GIGYF2: variants seen among roughly 807,000 people sequenced by gnomAD.
GIGYF2 encodes GRB10-interacting GYF protein 2.
A neutral mutation model predicts 208.1 loss-of-function variants in GIGYF2; 25 were observed. The observed-to-expected ratio is 0.12, with a 90% confidence interval of 0.09 to 0.17. The LOEUF (loss-of-function observed/expected upper bound fraction) is 0.17, where lower values mean the gene tolerates loss of function less well. GIGYF2 is among the 10% of genes least tolerant of loss of function. GIGYF2 has a pLI of 1.00. For missense variants in GIGYF2, 1,302 were observed against 1,579.4 expected, an observed-to-expected ratio of 0.82 and a Z score of 2.98; for synonymous variants, 534 against 543.8, an observed-to-expected ratio of 0.98 and a Z score of 0.25.
At position 232,704,480 on chromosome 2, in the gene GIGYF2, C is replaced by T. The variant is rs1695996474; in HGVS notation, c.-44+991C>T. Among the ~76,000 whole-genome samples, 2 of 152,068 alleles carry T rather than the reference C, an allele frequency of 1.3e-5. 1 individual carries two copies. Among genetic ancestry groups the T allele is most frequent in the Non-Finnish European group, 2.9e-5 (2 of 68,018 alleles). ...AGTGCAGTGGCATGATGTCAGCTCA[C>T]TGCAGCTTCTGTCTCCCAGGTTCAA... is the stretch of plus-strand genomic sequence containing the variant. On this transcript the variant is annotated intron_variant, in intron 2 of 28. Coordinates refer to ENST00000373563, the MANE Select transcript of GIGYF2 (RefSeq NM_001103146.3).
chr2:232,734,266 G>A (rs867186078), intron 2 of GIGYF2, among the ~76,000 whole-genome samples: 5 of 151,708 alleles, frequency 3.3e-5, no homozygotes, highest in African/African-American at 9.7e-5. Flanking sequence ...TCACTCCATC[G>A]TCTAGGCTGG....
intron 16 of GIGYF2, among the ~76,000 whole-genome samples, chr2:232,810,056 C>T (rs772841263): frequency 6.6e-6 from 1 of 152,160 alleles, no homozygotes; most frequent in East Asian, 1.9e-4. Flanking sequence ...GGCATGATCT[C>T]GGCTCACTGC....
At chr2:232,741,857 A>G (rs1235196942) in intron 3 of GIGYF2, among the ~76,000 whole-genome samples, 2 of 152,222 alleles carry the variant, frequency 1.3e-5, no homozygotes, top group African/African-American at 4.8e-5. Context: ...ATGTCCACTT[A>G]TATGACTTTA....
chr2:232,739,938 A>C (rs1177937982), intron 3 of GIGYF2, among the ~76,000 whole-genome samples: 1 of 16,310 alleles, frequency 6.1e-5, no homozygotes, highest in East Asian at 1.8e-3. Flanking sequence ...CATCTCTGCT[A>C]AAAAAAAAAA....
At chr2:232,805,258 G>C (rs1468289266) in intron 14 of GIGYF2, among the ~76,000 whole-genome samples, 1 of 152,070 alleles carries the variant, frequency 6.6e-6, no homozygotes. Context: ...GTTGAATTCT[G>C]TAATCTTGCA....
intron 2 of GIGYF2, among the ~76,000 whole-genome samples, chr2:232,726,207 A>G (rs529536274): frequency 6.6e-6 from 1 of 152,182 alleles, no homozygotes; most frequent in East Asian, 1.9e-4. Context: ...TGCCTCTACT[A>G]AAAATACAAA....
intron 2 of GIGYF2, among the ~76,000 whole-genome samples, chr2:232,720,969 T>C (rs1228167374): frequency 6.6e-6 from 1 of 152,016 alleles, no homozygotes; most frequent in Non-Finnish European, 1.5e-5. Context: ...ATCCCTAGAG[T>C]TGGAATAGCC....
At chr2:232,785,531 A>G (rs1699882833) in intron 8 of GIGYF2, among the ~76,000 whole-genome samples, 1 of 152,350 alleles carries the variant, frequency 6.6e-6, no homozygotes, top group Non-Finnish European at 1.5e-5. Flanking sequence ...GATGGAAACT[A>G]CAGTCTTCTT....
chr2:232,723,480 G>C (rs1225090769), intron 2 of GIGYF2, among the ~76,000 whole-genome samples: 1 of 148,396 alleles, frequency 6.7e-6, no homozygotes, highest in Admixed American at 6.7e-5. Context: ...ACCCAGGCTG[G>C]AGTGCAGTGG....
intron 2 of GIGYF2, chr2:232,734,414 TA>T (rs1243885856): frequency 1.3e-5 from 2 of 152,054 alleles, no homozygotes; most frequent in Admixed American, 6.6e-5. Context: ...TTCTTTTTTT[TA>T]GAGACCACGT....
intron 21 of GIGYF2, among the ~76,000 whole-genome samples, chr2:232,826,523 C>A (rs1261013586): frequency 6.6e-6 from 1 of 151,906 alleles, no homozygotes; most frequent in Non-Finnish European, 1.5e-5. Context: ...TGTACAAAAG[C>A]CAAAATAGAC....
intron 5 of GIGYF2, among the ~76,000 whole-genome samples, chr2:232,754,709 A>G (rs1698464996): frequency 6.6e-6 from 1 of 152,208 alleles, no homozygotes; most frequent in Non-Finnish European, 1.5e-5. Context: ...ACTCTGTGCT[A>G]AAAGGTAAGT....
chr2:232,790,679 G>A lies in GIGYF2; in HGVS notation c.713-19G>A, dbSNP rs765534189. On this transcript the variant is annotated intron_variant, in intron 9 of 28. Transcript: ENST00000373563. ...GTCATAAAACTTTTCTAAGGTTTGT[G>A]TCCTCCTTCTCATCTCAGATGGCCC... The A allele has an allele frequency of 3.1e-6, 5 of 1,590,466 alleles. No homozygotes were observed. In the South Asian group the frequency reaches 3.3e-5, roughly 11 times the overall value.
At chr2:232,747,791 A>T in intron 4 of GIGYF2, 47 bp downstream of exon 4, 1 of 1,550,920 alleles carries the variant, frequency 6.4e-7, no homozygotes, top group Non-Finnish European at 8.9e-7. Context: ...AGACTTTGGG[A>T]TATATACCAT....
At chr2:232,701,005 T>C (rs1317942207) in intron 1 of GIGYF2, among the ~76,000 whole-genome samples, 1 of 152,174 alleles carries the variant, frequency 6.6e-6, no homozygotes, top group East Asian at 1.9e-4. Flanking sequence ...GTTTTTACAT[T>C]TTATTCATGC....
chr2:232,810,013 A>G (rs572493047), intron 16 of GIGYF2, among the ~76,000 whole-genome samples: 3 of 152,116 alleles, frequency 2.0e-5, no homozygotes, highest in Non-Finnish European at 4.4e-5. Flanking sequence ...TTTGAGACAG[A>G]GCCTCACTCT....
rs546907006 is a variant in GIGYF2 at position 232,714,380 on chromosome 2, CT to C, written c.-44+10894del. Among the ~76,000 whole-genome samples the C allele has an allele frequency of 4.9e-3, 742 of 152,238 alleles. 3 individuals carry two copies. Among genetic ancestry groups the C allele is most frequent in the Middle Eastern group, 0.017 (5 of 294 alleles). ...CTTCAGTTTTAAGTTTTAGCTAAAA[CT>C]TTAACATCTGTTTTAATACCTTTAA... On this transcript the variant is annotated intron_variant, in intron 2 of 28. Transcript: ENST00000373563.
At chr2:232,832,273 G>A (rs989353469) in intron 21 of GIGYF2, among the ~76,000 whole-genome samples, 1 of 152,186 alleles carries the variant, frequency 6.6e-6, no homozygotes, top group Non-Finnish European at 1.5e-5. Flanking sequence ...AATGAGTTCC[G>A]CAGGGCACAA....
intron 2 of GIGYF2, among the ~76,000 whole-genome samples, chr2:232,715,717 A>G (rs1696646175): frequency 6.6e-6 from 1 of 152,174 alleles, no homozygotes; most frequent in Admixed American, 6.5e-5. Context: ...AAGTTACTCA[A>G]AAATGTTGGT....
Sources: allele counts gnomAD v4.1 joint callset (sites outside exome capture counted in the v4.1 genomes callset), GRCh38; gene constraint gnomAD v4.1.1; transcripts MANE v1.5; gene names NCBI Gene and HGNC (gene_info 2026-07-23, HGNC 2026-07-21).